CTSD: variants seen among roughly 807,000 people sequenced by gnomAD.
The protein encoded by CTSD is cathepsin D.
CTSD carries 28 observed loss-of-function variants against 43.6 expected under a neutral mutation model. The ratio of observed to expected loss-of-function variants is 0.64; its 90% confidence interval spans 0.48 to 0.88. The LOEUF is 0.88. Ranked by LOEUF, CTSD falls within the 40% of genes least tolerant of loss-of-function variation. The probability of loss-of-function intolerance (pLI) is 0.00; values close to 1 mark genes in which losing one functional copy is unlikely to be tolerated. For missense variants in CTSD, 485 were observed against 555.2 expected (o/e 0.87, Z 1.27); for synonymous variants, 270 against 249.8 (o/e 1.08, Z -0.76).
intron 1 of CTSD, chr11:1,762,166 G>C (rs1162245162): frequency 6.4e-6 from 1 of 157,250 alleles, no homozygotes; most frequent in Non-Finnish European, 1.4e-5. Context: ...ACGAGGTCCA[G>C]GACTGCACCT....
At position 1,753,653 on chromosome 11, in the gene CTSD, C is replaced by A; in HGVS notation, c.1089G>T (p.Lys363Asn). Residue 363 changes from lysine (K) to asparagine (N), a missense_variant, in exon 9 of 9, where the codon AAG becomes AAT. Lys to Asn is a moderately conservative substitution (Grantham distance 94). Coordinates refer to ENST00000236671, the MANE Select transcript of CTSD (RefSeq NM_001909.5). ...CCATGAAGCCGCTCAGGCAGAGGGT[C>A]TTCCCGGCCTGCGACACCTGGGACG... ...DYTLKVSQAG[K>N]TLCLSGFMGM... is the part of the protein sequence containing the mutation. 1 of 1,612,886 alleles carries A rather than the reference C, an allele frequency of 6.2e-7. No individual in the cohort carries two copies. Among genetic ancestry groups the A allele is most frequent in the Non-Finnish European group, 8.5e-7 (1 of 1,179,856 alleles).
intron 2 of CTSD, among the ~76,000 whole-genome samples, 193 bp from the exon 3 acceptor site, chr11:1,759,832 G>A (rs536138100): frequency 3.3e-5 from 5 of 152,332 alleles, no homozygotes; most frequent in Middle Eastern, 3.4e-3. Context: ...CCCAGCCCTC[G>A]GTCCTAATGC....
At chr11:1,757,698 A>G in intron 4 of CTSD, 142 bp from the exon 5 acceptor site, 1 of 745,538 alleles carries the variant, frequency 1.3e-6, no homozygotes, top group Admixed American at 2.2e-5. Context: ...AAGGGCTGGA[A>G]ACCCTGAGCT....
intron 6 of CTSD, among the ~76,000 whole-genome samples, chr11:1,754,535 G>GGATGGAGGGATGGAGGT (rs1845780913): frequency 7.2e-6 from 1 of 139,006 alleles, no homozygotes; most frequent in Non-Finnish European, 1.6e-5. Flanking sequence ...GGGGATGGAG[G>GGATGGAGGGATGGAGGT]GATGGAGGGA....
chr11:1,761,443 T>C lies in CTSD; in HGVS notation c.94A>G (p.Ile32Val). 2 of 1,613,876 alleles carry C rather than the reference T, an allele frequency of 1.2e-6. No homozygotes were observed. Among genetic ancestry groups the C allele is most frequent in the Admixed American group, 1.7e-5 (1 of 60,032 alleles). The change falls in exon 2 of 9, where the codon ATC becomes GTC. Residue 32 changes from isoleucine to valine, a missense_variant. Coordinates refer to ENST00000236671, the MANE Select transcript of CTSD (RefSeq NM_001909.5). ...VRIPLHKFTSIRRTMSEVGGS... is the reference protein window; with the variant it reads ...VRIPLHKFTSVRRTMSEVGGS... Reference sequence around the variant, plus strand: ...CCAACCTCCGACATGGTCCGGCGGATGGACGTGAACTTGTGCAGCGGGATC... The same window carrying C: ...CCAACCTCCGACATGGTCCGGCGGACGGACGTGAACTTGTGCAGCGGGATC...
chr11:1,753,711 C>T (rs138305981), intron 8 of CTSD, 41 bp from the exon 9 acceptor site: 141 of 1,610,228 alleles, frequency 8.8e-5, no homozygotes, highest in African/African-American at 1.3e-5. Context: ...CCTAGCACCA[C>T]CCGCCCCCCC....
chr11:1,754,954 G>A lies in CTSD; in HGVS notation c.779C>T (p.Ser260Phe). Residue 260 changes from serine to phenylalanine, a missense_variant, in exon 6 of 9, where the codon TCC (serine) becomes TTC (phenylalanine). Transcript: ENST00000236671. ...GGCCTTGCGGGTGACATTCAGGTAG[G>A]ACAGAGAACCCTTGTAATACTTGGA... is the stretch of plus-strand genomic sequence containing the variant. ...TDSKYYKGSL[S>F]YLNVTRKAYW... 6.2e-7 allele frequency: 1 copy of A among 1,613,952 alleles called. No individual in the cohort carries two copies. The highest frequency in any genetic ancestry group is 8.5e-7 in the Non-Finnish European group (1 of 1,179,912).
At chr11:1,753,750 G>C in intron 8 of CTSD, 53 bp downstream of exon 8, 2 of 1,606,226 alleles carry the variant, frequency 1.2e-6, no homozygotes, top group South Asian at 2.2e-5. Flanking sequence ...TGGAGCGTGC[G>C]CCCCCTCACC....
Position 1,759,614 on chromosome 11 carries a change from A to T in CTSD, c.254T>A (p.Ile85Asn). The stretch of plus-strand genomic sequence containing the variant: ...TGTGAAGCACTGGGGGGGCGTCCCG[A>T]TGCCAATCTCCCCGTAGTACTGGGC... ...MDAQYYGEIG[I>N]GTPPQCFTVV... Residue 85 changes from isoleucine (I) to asparagine (N), a missense_variant, in exon 3 of 9, where the codon ATC becomes AAC. By Grantham distance (149) the Ile-to-Asn change is moderately radical. Transcript: ENST00000236671. The T allele has an allele frequency of 6.2e-7, 1 of 1,613,386 alleles. No individual in the cohort carries two copies. The highest frequency in any genetic ancestry group is 1.1e-5 in the South Asian group (1 of 91,076).
chr11:1,754,288 G>A, intron 6 of CTSD, 150 bp from the exon 7 acceptor site: 4 of 886,834 alleles, frequency 4.5e-6, no homozygotes, highest in Admixed American at 2.2e-5. Flanking sequence ...GCCCTCCAGG[G>A]AAGAGGGTGG....
At chr11:1,757,267 G>A (rs1357965749) in intron 5 of CTSD, 57 bp downstream of exon 5, 13 of 1,451,864 alleles carry the variant, frequency 9.0e-6, no homozygotes, top group South Asian at 1.2e-5. Flanking sequence ...AAGGCTCCCC[G>A]TCCAGCCCCG....
At chr11:1,757,614 T>C in intron 4 of CTSD, 58 bp from the exon 5 acceptor site, 3 of 1,391,440 alleles carry the variant, frequency 2.2e-6, no homozygotes, top group Non-Finnish European at 3.0e-6. Context: ...CACCACTCCC[T>C]GAGCATGAGG....
chr11:1,754,166 TGCCG>T, intron 6 of CTSD, 28 bp from the exon 7 acceptor site: 1 of 1,601,344 alleles, frequency 6.2e-7, no homozygotes, highest in East Asian at 2.2e-5. Context: ...GTGAAGCCCC[TGCCG>T]GGACTGGAGT....
At chr11:1,759,757 G>A (rs745698991) in intron 2 of CTSD, 118 bp from the exon 3 acceptor site, 103 of 1,138,940 alleles carry the variant, frequency 9.0e-5, no homozygotes, top group Middle Eastern at 3.0e-4. Context: ...GGCATCACGG[G>A]GCCCACAGCT....
chr11:1,761,400 A>C lies in CTSD; in HGVS notation c.137T>G (p.Leu46Arg). The C allele has an allele frequency of 6.2e-7, 1 of 1,613,800 alleles. No homozygotes were observed. ...MSEVGGSVED[L>R]IAKGPVSKYS... Reference sequence around the variant, plus strand: ...CTTTGAGACGGGGCCTTTGGCAATCAGGTCCTCCACAGAGCCCCCAACCTC... The same window carrying C: ...CTTTGAGACGGGGCCTTTGGCAATCCGGTCCTCCACAGAGCCCCCAACCTC... The change falls in exon 2 of 9, where the codon CTG (leucine) becomes CGG (arginine). Residue 46 changes from leucine to arginine, a missense_variant. Physicochemically the swap from Leu to Arg is moderately radical, Grantham distance 102 (BLOSUM62 -2). Coordinates refer to ENST00000236671, the MANE Select transcript of CTSD (RefSeq NM_001909.5).
In CTSD at chr11:1,761,515, CG is replaced by C; in HGVS notation, c.69-48del. On this transcript the variant is annotated intron_variant, in intron 1 of 8. Coordinates refer to ENST00000236671, the MANE Select transcript of CTSD (RefSeq NM_001909.5). ...ATATCAGGGAGGCCCTCCCGCCTGC[CG>C]GCCGACGCTGCCAATGCTGCACATC... 1.9e-6 allele frequency: 3 copies of C among 1,606,320 alleles called. No homozygotes were observed. In the South Asian group the frequency reaches 3.3e-5, roughly 18 times the overall value.
At chr11:1,761,596 G>A (rs1845879022) in intron 1 of CTSD, 128 bp from the exon 2 acceptor site, 2 of 1,002,830 alleles carry the variant, frequency 2.0e-6, no homozygotes, top group South Asian at 1.4e-5. Flanking sequence ...CCAAACTCCT[G>A]CCTGTCACCT....
chr11:1,760,368 G>A (rs1352952137), intron 2 of CTSD: 1 of 152,292 alleles, frequency 6.6e-6, no homozygotes, highest in Admixed American at 6.5e-5. Flanking sequence ...GGGTCCTGGA[G>A]TTTGGGGTCG....
rs752032660 is a variant in CTSD, at chr11:1,758,993, C to T, written c.447G>A (p.Gly149=). 46 of 1,613,058 alleles carry T rather than the reference C, an allele frequency of 2.9e-5. 1 individual carries two copies. The Admixed American group carries it at 3.0e-4, about 11-fold the overall frequency. The change falls in exon 4 of 9, where the codon GGG becomes GGA. Residue 149 remains glycine, a synonymous_variant. Transcript: ENST00000236671. ...CCGACACAGTGTCCTGGCTCAGGTA[C>T]CCGGAGAGGCTGCCCGAGCCATAGT... ...DIHYGSGSLS[G]YLSQDTVSVP...
Sources: allele counts gnomAD v4.1 joint callset (sites outside exome capture counted in the v4.1 genomes callset), GRCh38; gene constraint gnomAD v4.1.1; transcripts MANE v1.5; gene names NCBI Gene and HGNC (gene_info 2026-07-23, HGNC 2026-07-21).